Variants in ZNF629 observed in about 807,000 individuals in gnomAD.
ZNF629 encodes zinc finger protein 629, also known as DNA-binding protein.
A neutral mutation model predicts 59.7 loss-of-function variants in ZNF629; 9 were observed. The ratio of observed to expected loss-of-function variants is 0.15; its 90% CI spans 0.09 to 0.26. The LOEUF is 0.26. Among genes scored for constraint, ZNF629 ranks in the 10% least tolerant of loss-of-function variants. The probability of loss-of-function intolerance (pLI) is 1.00; values close to 1 mark genes in which losing one functional copy is unlikely to be tolerated. For missense variants in ZNF629, 853 were observed against 1,165.4 expected (o/e 0.73, Z 3.90); for synonymous variants, 509 against 498.9 (o/e 1.02, Z -0.27).
rs1157508842 is a variant in ZNF629, at chr16:30,778,467, C to T, written c.*3251G>A. On this transcript the variant is annotated 3_prime_UTR_variant, in exon 3 of 3. Transcript: ENST00000262525. ...CAAGAAACACCCAGGAAATCTTATT[C>T]CCTTTATTCTCTTCAACTAAGCAAC... 1 of 152,646 alleles carries T rather than the reference C, an allele frequency of 6.6e-6. No homozygotes were observed. Among genetic ancestry groups the T allele is most frequent in the Non-Finnish European group, 1.5e-5 (1 of 68,062 alleles). 9.5% of individuals were successfully genotyped at this position (152,646 alleles called of 1,614,324 possible). A position where few individuals can be genotyped will look rare whatever the true frequency, so the allele number is the denominator to read the frequency against.
At position 30,783,999 on chromosome 16, in the gene ZNF629, C is replaced by T. The variant is rs1361239479; in HGVS notation, c.329G>A (p.Cys110Tyr). The T allele has an allele frequency of 6.4e-7, 1 of 1,573,658 alleles. No individual in the cohort carries two copies. The highest frequency in any genetic ancestry group is 8.6e-7 in the Non-Finnish European group (1 of 1,160,486). ...VPTPSDWTKA[C>Y]EASWQWGALT... ...AGCGCCCCACTGCCAGCTGGCCTCGCAGGCCTTGGTCCAGTCAGATGGGGT... is the reference window on the plus strand; with the variant it reads ...AGCGCCCCACTGCCAGCTGGCCTCGTAGGCCTTGGTCCAGTCAGATGGGGT... The change falls in exon 3 of 3, where the codon TGC (cysteine) becomes TAC (tyrosine). Residue 110 changes from cysteine to tyrosine, a missense_variant. Cys to Tyr is a radical substitution (Grantham distance 194). Transcript: ENST00000262525.
rs761932580 is a variant in ZNF629, at chr16:30,783,311, C to T, written c.1017G>A (p.Thr339=). 24 of 1,613,298 alleles carry T rather than the reference C, an allele frequency of 1.5e-5. No individual in the cohort carries two copies. In the East Asian group the frequency reaches 4.5e-4, roughly 30 times the overall value. The change falls in exon 3 of 3, where the codon ACG becomes ACA. Residue 339 remains threonine, a synonymous_variant. Transcript: ENST00000262525. ...ACTCGTAGGGCTTCTCGCCTGTGTG[C>T]GTGCGCTGGTGCTGGGTCAGCTCCG... ...QSSELTQHQR[T]HTGEKPYECL...
At position 30,780,316 on chromosome 16, in the gene ZNF629, C is replaced by T. The variant is rs896927135; in HGVS notation, c.*1402G>A. 1 of 152,470 alleles carries T rather than the reference C, an allele frequency of 6.6e-6. No individual in the cohort carries two copies. Among genetic ancestry groups the T allele is most frequent in the African/African-American group, 2.4e-5 (1 of 41,426 alleles). The allele number at this position is 152,470 out of a possible 1,614,324, so 9.4% of individuals were successfully genotyped here. A position where few individuals can be genotyped will look rare whatever the true frequency, so the allele number is the denominator to read the frequency against. On this transcript the variant is annotated 3_prime_UTR_variant, in exon 3 of 3. Coordinates refer to ENST00000262525, the MANE Select transcript of ZNF629 (RefSeq NM_001080417.3). The stretch of plus-strand genomic sequence containing the variant: ...AGTCTGTGGGGTGTCTGGATCCCCA[C>T]CAGGGAGGAGGGCTGCCTTATCCTG...
At position 30,783,425 on chromosome 16, in the gene ZNF629, C is replaced by T. The variant is rs781523759; in HGVS notation, c.903G>A (p.Gln301=). The T allele has an allele frequency of 6.2e-7, 1 of 1,613,230 alleles. No individual in the cohort carries two copies. The highest frequency in any genetic ancestry group is 1.3e-5 in the African/African-American group (1 of 74,704). Residue 301 remains glutamine, a synonymous_variant, in exon 3 of 3, where the codon CAG becomes CAA. Coordinates refer to ENST00000262525, the MANE Select transcript of ZNF629 (RefSeq NM_001080417.3). ...TCTGGTGCTTGAGGAGGTTGTGGTT[C>T]TGGCCGAAGCGCTTCCCGCACTCGG... ...KCPECGKRFG[Q]NHNLLKHQKI...
rs376476703 is a variant in ZNF629, at chr16:30,784,019, T to C, written c.309A>G (p.Pro103=). ...DPPAPEVVPT[P]SDWTKACEAS... is the part of the protein sequence containing the mutation. ...CCTCGCAGGCCTTGGTCCAGTCAGA[T>C]GGGGTAGGGACTACCTCCGGGGCTG... Residue 103 remains proline, a synonymous_variant, in exon 3 of 3, where the codon CCA becomes CCG. Coordinates refer to ENST00000262525, the MANE Select transcript of ZNF629 (RefSeq NM_001080417.3). 6.4e-7 allele frequency: 1 copy of C among 1,559,026 alleles called. No homozygotes were observed. The highest frequency in any genetic ancestry group is 8.7e-7 in the Non-Finnish European group (1 of 1,154,134).
Position 30,781,611 on chromosome 16 carries a change from A to T in ZNF629, c.*107T>A. The T allele has an allele frequency of 8.7e-7, 1 of 1,153,060 alleles. No homozygotes were observed. The highest frequency in any genetic ancestry group is 1.2e-6 in the Non-Finnish European group (1 of 859,044). The allele number at this position is 1,153,060 out of a possible 1,614,324, so 71.4% of individuals were successfully genotyped here. A position where few individuals can be genotyped will look rare whatever the true frequency, so the allele number is the denominator to read the frequency against. On this transcript the variant is annotated 3_prime_UTR_variant, in exon 3 of 3. Coordinates refer to ENST00000262525, the MANE Select transcript of ZNF629 (RefSeq NM_001080417.3). ...CCCAGGGTTCTTTCTCCTCCACTCC[A>T]CTACCATCTGATAGGGTTATCCTCC...
Position 30,784,124 on chromosome 16 carries a change from C to A in ZNF629, c.204G>T (p.Gln68His), listed in dbSNP as rs770292596. 4.4e-6 allele frequency: 7 copies of A among 1,608,848 alleles called. No homozygotes were observed. The highest frequency in any genetic ancestry group is 2.5e-6 in the Non-Finnish European group (3 of 1,179,012). The change falls in exon 3 of 3, where the codon CAG becomes CAT. Residue 68 changes from glutamine (Q) to histidine (H), a missense_variant. This residue lies in a region of ZNF629 where 232 missense variants were observed against 193.4 expected (regional missense o/e 1.20). Transcript: ENST00000262525. Reference sequence around the variant, plus strand: ...GGGGGTTCTGGGGGACAGAGGGGTCCTGGGAGGATCTCTCCAGGGACATCT... The same window carrying A: ...GGGGGTTCTGGGGGACAGAGGGGTCATGGGAGGATCTCTCCAGGGACATCT... ...STEMSLERSS[Q>H]DPSVPQNPPT...
rs1369418888 is a variant in ZNF629 at position 30,783,887 on chromosome 16, C to T, written c.441G>A (p.Glu147=). ...ELVQGRPAGA[E]KPYICNECGK... ...CGCACTCGTTGCAGATGTAGGGCTTCTCCGCCCCCGCCGGGCGGCCCTGCA... is the reference window on the plus strand; with the variant it reads ...CGCACTCGTTGCAGATGTAGGGCTTTTCCGCCCCCGCCGGGCGGCCCTGCA... The change falls in exon 3 of 3, where the codon GAG becomes GAA. Residue 147 remains glutamate (E), a synonymous_variant. Transcript: ENST00000262525. 1.2e-6 allele frequency: 2 copies of T among 1,603,020 alleles called. No individual in the cohort carries two copies. The highest frequency in any genetic ancestry group is 1.7e-6 in the Non-Finnish European group (2 of 1,173,900).
chr16:30,785,647 C>T (rs541621107), intron 1 of ZNF629, among the ~76,000 whole-genome samples: 41 of 152,176 alleles, frequency 2.7e-4, no homozygotes, highest in Middle Eastern at 3.4e-3. Flanking sequence ...CACTCCTGCC[C>T]GGACCCTCCT....
At position 30,782,605 on chromosome 16, in the gene ZNF629, C is replaced by T; in HGVS notation, c.1723G>A (p.Gly575Arg). ...ATGCCCTCGTCGTTGAAGCCCTTTC[C>T]GCACACGAGACACTTGTGCGGCTTG... is the stretch of plus-strand genomic sequence containing the variant. ...GAKPHKCLVC[G>R]KGFNDEGIFM... is the part of the protein sequence containing the mutation. Residue 575 changes from glycine to arginine, a missense_variant, in exon 3 of 3, where the codon GGA (glycine) becomes AGA (arginine). Gly to Arg is a moderately radical substitution (Grantham distance 125). This residue lies in a region of ZNF629 where 420 missense variants were observed against 435.6 expected (regional missense o/e 0.96). Coordinates refer to ENST00000262525, the MANE Select transcript of ZNF629 (RefSeq NM_001080417.3). 6.4e-7 allele frequency: 1 copy of T among 1,564,196 alleles called. No homozygotes were observed. Among genetic ancestry groups the T allele is most frequent in the Non-Finnish European group, 8.7e-7 (1 of 1,153,854 alleles).
In ZNF629 at chr16:30,780,809, A is replaced by G. The variant is rs2054273696; in HGVS notation, c.*909T>C. The G allele has an allele frequency of 6.6e-6, 1 of 152,162 alleles. No individual in the cohort carries two copies. Among genetic ancestry groups the G allele is most frequent in the Non-Finnish European group, 1.5e-5 (1 of 68,038 alleles). 9.4% of individuals were successfully genotyped at this position (152,162 alleles called of 1,614,324 possible). On this transcript the variant is annotated 3_prime_UTR_variant, in exon 3 of 3. Coordinates refer to ENST00000262525, the MANE Select transcript of ZNF629 (RefSeq NM_001080417.3). ...GGAGTTAGCTGGGTTCCATGTGAGC[A>G]GTTTCCCCACCTTGGTTTGCTCCCC... is the stretch of plus-strand genomic sequence containing the variant.
Position 30,783,220 on chromosome 16 carries a change from G to T in ZNF629, c.1108C>A (p.Arg370Ser). 1 of 1,609,832 alleles carries T rather than the reference G, an allele frequency of 6.2e-7. No homozygotes were observed. Among genetic ancestry groups the T allele is most frequent in the Non-Finnish European group, 8.5e-7 (1 of 1,178,878 alleles). ...TLIKHQRTHL[R>S]EDPFKCPVCG... ...ACTGGGCACTTGAACGGGTCCTCGC[G>T]CAGGTGAGTCCGCTGGTGCTTGATG... Residue 370 changes from arginine to serine, a missense_variant, in exon 3 of 3, where the codon CGC becomes AGC. Around this residue, in one of 3 missense-constraint regions of ZNF629, gnomAD observed 201 missense variants for 536.5 expected, o/e 0.37. Coordinates refer to ENST00000262525, the MANE Select transcript of ZNF629 (RefSeq NM_001080417.3).
At chr16:30,784,791 T>C (rs1464864680) in intron 1 of ZNF629, among the ~76,000 whole-genome samples, 1 of 152,092 alleles carries the variant, frequency 6.6e-6, no homozygotes, top group Non-Finnish European at 1.5e-5. Context: ...GAACCCAGGA[T>C]GGGGGCTGGA....
At chr16:30,785,126 T>C (rs2054321005) in intron 1 of ZNF629, among the ~76,000 whole-genome samples, 1 of 152,100 alleles carries the variant, frequency 6.6e-6, no homozygotes, top group South Asian at 2.1e-4. Context: ...AGTTTAAAGC[T>C]GCATCTGCAG....
chr16:30,786,869 C>A lies in ZNF629; in HGVS notation c.-34+159G>T, dbSNP rs901740070. On this transcript the variant is annotated intron_variant, in intron 1 of 2. Coordinates refer to ENST00000262525, the MANE Select transcript of ZNF629 (RefSeq NM_001080417.3). The surrounding 1 kb of genome is among the most constrained non-coding windows in gnomAD (Gnocchi z 4.8). ...GCGCTTCCCAGAATCCTCGGCCCTC[C>A]GCGCCCCCCGCCCGCCCCCACCCCG... Among the ~76,000 whole-genome samples, 1 of 151,632 alleles carries A rather than the reference C, an allele frequency of 6.6e-6. No individual in the cohort carries two copies. Among genetic ancestry groups the A allele is most frequent in the African/African-American group, 2.4e-5 (1 of 41,304 alleles).
In ZNF629 at chr16:30,781,449, CAGACTT is replaced by C. The variant is rs2054280059; in HGVS notation, c.*263_*268del. ...TATGGTTTATAGGGTTTTTCTGCTACAGACTTAAAGGGCTTTTTTTTTTCCTACATA... is the reference window on the plus strand; with the variant it reads ...TATGGTTTATAGGGTTTTTCTGCTACAAAGGGCTTTTTTTTTTCCTACATA... On this transcript the variant is annotated 3_prime_UTR_variant, in exon 3 of 3. Coordinates refer to ENST00000262525, the MANE Select transcript of ZNF629 (RefSeq NM_001080417.3). 3.1e-6 allele frequency: 1 copy of C among 319,652 alleles called. No homozygotes were observed. Among genetic ancestry groups the C allele is most frequent in the Non-Finnish European group, 5.7e-6 (1 of 176,320 alleles). 19.8% of individuals were successfully genotyped at this position (319,652 alleles called of 1,614,324 possible).
In ZNF629 at chr16:30,780,001, A is replaced by C. The variant is rs2054267213; in HGVS notation, c.*1717T>G. On this transcript the variant is annotated 3_prime_UTR_variant, in exon 3 of 3. Transcript: ENST00000262525. The stretch of plus-strand genomic sequence containing the variant: ...GTCTTCCACCATCTCATAGGGCAAC[A>C]GTCTCTCCCCAGCCACATATGCCCA... 6.6e-6 allele frequency: 1 copy of C among 152,526 alleles called. No homozygotes were observed. The highest frequency in any genetic ancestry group is 1.5e-5 in the Non-Finnish European group (1 of 68,030). The allele number at this position is 152,526 out of a possible 1,614,324, so 9.4% of individuals were successfully genotyped here. A position where few individuals can be genotyped will look rare whatever the true frequency, so the allele number is the denominator to read the frequency against.
chr16:30,782,037 C>T lies in ZNF629; in HGVS notation c.2291G>A (p.Gly764Glu). ...VLLEHLRSPL[G>E]ARPYRCSDCR... ...ATCTGAGCAGCGGTAGGGTCTGGCC[C>T]CCAGGGGGCTCCTGAGATGCTCCAG... Residue 764 changes from glycine (G) to glutamate (E), a missense_variant, in exon 3 of 3, where the codon GGG becomes GAG. Around this residue, in one of 3 missense-constraint regions of ZNF629, gnomAD observed 420 missense variants for 435.6 expected, o/e 0.96. Transcript: ENST00000262525. 2 of 1,573,822 alleles carry T rather than the reference C, an allele frequency of 1.3e-6. No individual in the cohort carries two copies. Among genetic ancestry groups the T allele is most frequent in the Non-Finnish European group, 1.7e-6 (2 of 1,159,684 alleles).
In ZNF629 at chr16:30,780,987, AT is replaced by A. The variant is rs2054274926; in HGVS notation, c.*730del. ...TTTTCTTCCCCATTTTGGGGTTTTG[AT>A]AAGGGATTCCATAGGCCTCTTTCCC... On this transcript the variant is annotated 3_prime_UTR_variant, in exon 3 of 3. Transcript: ENST00000262525. 1 of 151,842 alleles carries A rather than the reference AT, an allele frequency of 6.6e-6. No homozygotes were observed. The highest frequency in any genetic ancestry group is 1.5e-5 in the Non-Finnish European group (1 of 67,958). The allele number at this position is 151,842 out of a possible 1,614,324, so 9.4% of individuals were successfully genotyped here. A position where few individuals can be genotyped will look rare whatever the true frequency, so the allele number is the denominator to read the frequency against.
Sources: allele counts gnomAD v4.1 joint callset (sites outside exome capture counted in the v4.1 genomes callset), GRCh38; gene constraint gnomAD v4.1.1; regional missense constraint gnomAD v4.1.1; non-coding constraint Gnocchi (gnomAD v3.1); transcripts MANE v1.5; gene names NCBI Gene and HGNC (gene_info 2026-07-23, HGNC 2026-07-21).